Variants in SLC35F4 observed in about 807,000 individuals in gnomAD.
SLC35F4 encodes chromosome 14 open reading frame 36.
SLC35F4 carries 24 observed loss-of-function variants against 44.2 expected under a neutral mutation model. That is an observed-to-expected ratio of 0.54 (90% CI 0.39 to 0.76). SLC35F4 has a LOEUF of 0.76. Ranked by LOEUF, SLC35F4 falls within the 30% of genes least tolerant of loss-of-function variation. SLC35F4 has a pLI of 0.00. For synonymous variants in SLC35F4, 238 were observed against 223.6 expected (o/e 1.06, Z -0.57); for missense variants, 562 against 586.1 (o/e 0.96, Z 0.42).
chr14:57,651,849 T>G (rs527912737), intron 1 of SLC35F4, among the ~76,000 whole-genome samples: 59 of 152,240 alleles, frequency 3.9e-4, no homozygotes, highest in African/African-American at 1.3e-3. Flanking sequence ...CTCTGTCCAA[T>G]GGGACCCTTA....
intron 1 of SLC35F4, among the ~76,000 whole-genome samples, chr14:57,624,321 C>CA (rs1003265047): frequency 1.3e-5 from 2 of 151,934 alleles, no homozygotes; most frequent in African/African-American, 2.4e-5. Flanking sequence ...GCTTACCAAC[C>CA]AAAAAAAGTC....
At chr14:57,576,754 C>T (rs544590662) in intron 4 of SLC35F4, among the ~76,000 whole-genome samples, 1 of 152,064 alleles carries the variant, frequency 6.6e-6, no homozygotes, top group South Asian at 2.1e-4. Context: ...CCCCCTCTCC[C>T]TACATGCATG....
intron 1 of SLC35F4, among the ~76,000 whole-genome samples, chr14:57,886,026 A>G (rs1342384444): frequency 1.3e-5 from 2 of 152,370 alleles, no homozygotes; most frequent in Non-Finnish European, 2.9e-5. Flanking sequence ...CTGAATGACT[A>G]TAATAGGAAA....
chr14:57,931,758 C>G (rs190851428), intron 1 of SLC35F4, among the ~76,000 whole-genome samples: 1 of 152,310 alleles, frequency 6.6e-6, no homozygotes, highest in East Asian at 1.9e-4. Flanking sequence ...TCAAAGGAAA[C>G]ACCCAAAGCC....
At chr14:57,775,914 T>C (rs1471095265) in intron 1 of SLC35F4, among the ~76,000 whole-genome samples, 1 of 152,156 alleles carries the variant, frequency 6.6e-6, no homozygotes, top group Non-Finnish European at 1.5e-5. Flanking sequence ...AATAAAATGA[T>C]ACAGAATCTT....
intron 1 of SLC35F4, among the ~76,000 whole-genome samples, chr14:57,787,051 TAGAG>T (rs1188960745): frequency 6.6e-6 from 1 of 151,934 alleles, no homozygotes; most frequent in South Asian, 2.1e-4. Flanking sequence ...TTCAAGGAAA[TAGAG>T]AGCTTAAAGA....
intron 1 of SLC35F4, among the ~76,000 whole-genome samples, chr14:57,740,077 C>T (rs2076567672): frequency 6.6e-6 from 1 of 152,074 alleles, no homozygotes; most frequent in African/African-American, 2.4e-5. Context: ...CCGGGCTGGT[C>T]TCTAACTTCT....
At chr14:57,727,537 C>A (rs2076235388) in intron 1 of SLC35F4, among the ~76,000 whole-genome samples, 2 of 151,480 alleles carry the variant, frequency 1.3e-5, no homozygotes. Flanking sequence ...TAGCTATACA[C>A]TTTCCTCCTA....
chr14:57,793,429 C>T (rs550391065), intron 1 of SLC35F4, among the ~76,000 whole-genome samples: 3 of 152,082 alleles, frequency 2.0e-5, no homozygotes, highest in East Asian at 1.9e-4. Flanking sequence ...CAATGTCCAT[C>T]AAACTGTCCT....
At chr14:57,713,173 T>C (rs769073228) in intron 1 of SLC35F4, among the ~76,000 whole-genome samples, 3 of 152,222 alleles carry the variant, frequency 2.0e-5, no homozygotes, top group Non-Finnish European at 2.9e-5. Context: ...AGTCTTATTA[T>C]CTGTCACCTG....
intron 1 of SLC35F4, among the ~76,000 whole-genome samples, chr14:57,911,184 T>A (rs1234281547): frequency 6.6e-6 from 1 of 151,992 alleles, no homozygotes; most frequent in Non-Finnish European, 1.5e-5. Context: ...TTATTTTGCT[T>A]TTTGCCAATT....
chr14:57,801,310 C>T (rs113883664), intron 1 of SLC35F4, among the ~76,000 whole-genome samples: 46 of 152,270 alleles, frequency 3.0e-4, no homozygotes, highest in African/African-American at 1.1e-3. Flanking sequence ...TTCAGACAAG[C>T]AAATGCTTAC....
At chr14:57,881,267 T>C (rs562985940) in intron 1 of SLC35F4, among the ~76,000 whole-genome samples, 1 of 152,326 alleles carries the variant, frequency 6.6e-6, no homozygotes, top group African/African-American at 2.4e-5. Context: ...TCTGAACTTA[T>C]CTATTATGAG....
intron 1 of SLC35F4, among the ~76,000 whole-genome samples, chr14:57,923,952 C>T (rs1019266486): frequency 5.9e-5 from 9 of 152,296 alleles, no homozygotes; most frequent in East Asian, 5.8e-4. Context: ...CAGTGGCAGG[C>T]GATTGAGTTA....
rs7493227 is a variant in SLC35F4, at chr14:57,611,599, C to A, written c.104-17475G>T. 2.3e-3 allele frequency among the ~76,000 whole-genome samples: 291 copies of A among 124,434 alleles called. 2 individuals carry two copies. The highest frequency in any genetic ancestry group is 0.02 in the East Asian group (96 of 4,704). 81.6% of individuals were successfully genotyped at this position (124,434 alleles called of 152,430 possible). ...AAGAGAAGAGTTAAAAAAAAAAAAACAAAAAAAAGAGTTACCATTTAATCA... is the reference window on the plus strand; with the variant it reads ...AAGAGAAGAGTTAAAAAAAAAAAAAAAAAAAAAAGAGTTACCATTTAATCA... On this transcript the variant is annotated intron_variant, in intron 1 of 7. Transcript: ENST00000556826.
chr14:57,601,510 T>C (rs551011083), intron 1 of SLC35F4, among the ~76,000 whole-genome samples: 125 of 152,286 alleles, frequency 8.2e-4, no homozygotes, highest in African/African-American at 2.9e-3. Flanking sequence ...GCCATCTTTA[T>C]GTCCATCAGT....
At chr14:57,617,583 A>G (rs955915378) in intron 1 of SLC35F4, among the ~76,000 whole-genome samples, 30 of 152,184 alleles carry the variant, frequency 2.0e-4, no homozygotes, top group Non-Finnish European at 1.5e-5. Flanking sequence ...GTGCTCATAA[A>G]ATAGCTGTGA....
intron 6 of SLC35F4, among the ~76,000 whole-genome samples, chr14:57,568,499 C>T (rs1182185606): frequency 6.6e-6 from 1 of 152,146 alleles, no homozygotes; most frequent in Non-Finnish European, 1.5e-5. Flanking sequence ...TTGATTTCTA[C>T]TCAGCTTAGC....
chr14:57,922,423 C>G (rs1889460685), intron 1 of SLC35F4, among the ~76,000 whole-genome samples: 3 of 152,126 alleles, frequency 2.0e-5, no homozygotes, highest in Admixed American at 6.5e-5. Flanking sequence ...CAACACGGTA[C>G]CCCATACAAC....
Sources: allele counts gnomAD v4.1 joint callset (sites outside exome capture counted in the v4.1 genomes callset), GRCh38; gene constraint gnomAD v4.1.1; transcripts MANE v1.5; gene names NCBI Gene and HGNC (gene_info 2026-07-23, HGNC 2026-07-21).